Variants in LRP2 observed in about 807,000 individuals in gnomAD.
LRP2 encodes LDL receptor related protein 2, also known as low-density lipoprotein receptor-related protein 2.
In LRP2, 172 loss-of-function variants were observed where a neutral mutation model predicts 531.0. The ratio of observed to expected loss-of-function variants is 0.32; its 90% CI spans 0.29 to 0.37. The LOEUF (loss-of-function observed/expected upper bound fraction) is 0.37, where lower values mean the gene tolerates loss of function less well. Ranked by LOEUF, LRP2 falls within the 10% of genes least tolerant of loss-of-function variation. The probability of loss-of-function intolerance (pLI) is 1.00; values close to 1 mark genes in which losing one functional copy is unlikely to be tolerated. For synonymous variants in LRP2, 1,992 were observed against 2,027.6 expected, an observed-to-expected ratio of 0.98 and a Z score of 0.47; for missense variants, 5,167 against 5,868.3, an observed-to-expected ratio of 0.88 and a Z score of 3.90.
chr2:169,294,092 C>T lies in LRP2; in HGVS notation c.652+56G>A, dbSNP rs573601013. On this transcript the variant is annotated intron_variant, in intron 6 of 78. Coordinates refer to ENST00000649046, the MANE Select transcript of LRP2 (RefSeq NM_004525.3). ...GCGGGGGGATAAAACAAAACAAAACCGAAACAAAACAAAACACTCCCAACA... is the reference window on the plus strand; with the variant it reads ...GCGGGGGGATAAAACAAAACAAAACTGAAACAAAACAAAACACTCCCAACA... The T allele has an allele frequency of 8.7e-5, 112 of 1,287,568 alleles. 1 individual carries two copies. In the Middle Eastern group the frequency reaches 9.1e-4, roughly 11 times the overall value. The allele number at this position is 1,287,568 out of a possible 1,614,324, so 79.8% of individuals were successfully genotyped here. A position where few individuals can be genotyped will look rare whatever the true frequency, so the allele number is the denominator to read the frequency against.
chr2:169,182,661 T>G, intron 50 of LRP2: 3 of 985,030 alleles, frequency 3.0e-6, no homozygotes, highest in Non-Finnish European at 2.4e-6. Context: ...GAAGCAGAGG[T>G]GAGTATCATG....
chr2:169,226,375 G>T, intron 32 of LRP2, 47 bp downstream of exon 32: 1 of 1,470,700 alleles, frequency 6.8e-7, no homozygotes, highest in Non-Finnish European at 9.5e-7. Context: ...GTGCAGGCAG[G>T]CTCTTCAAGA....
intron 1 of LRP2, among the ~76,000 whole-genome samples, chr2:169,328,016 G>A (rs1216470228): frequency 7.3e-6 from 1 of 136,680 alleles, no homozygotes; most frequent in Non-Finnish European, 1.6e-5. Flanking sequence ...AGGGAGGTGG[G>A]GGGGGGTCAG....
intron 3 of LRP2, among the ~76,000 whole-genome samples, chr2:169,313,692 A>G (rs188142580): frequency 3.9e-5 from 6 of 152,100 alleles, no homozygotes; most frequent in Non-Finnish European, 5.9e-5. Context: ...CCATTCTCAG[A>G]TCTCAAACTC....
chr2:169,297,097 T>A (rs1346820744), intron 4 of LRP2, among the ~76,000 whole-genome samples: 1 of 152,180 alleles, frequency 6.6e-6, no homozygotes, highest in Non-Finnish European at 1.5e-5. Context: ...TGAAAATACC[T>A]GAAAATCTGT....
rs777755136 is a variant in LRP2, at chr2:169,162,457, C to T, written c.11887+15G>A. On this transcript the variant is annotated intron_variant, in intron 63 of 78. Transcript: ENST00000649046. ...GAGTTACTACAATGAACTATAAAAA[C>T]AAGTGTTTACTTACTGCAACCCAGT... 2 of 1,613,902 alleles carry T rather than the reference C, an allele frequency of 1.2e-6. No homozygotes were observed. The highest frequency in any genetic ancestry group is 1.7e-6 in the Non-Finnish European group (2 of 1,179,888).
chr2:169,228,710 TACC>T (rs1689290843), intron 31 of LRP2, among the ~76,000 whole-genome samples: 1 of 152,200 alleles, frequency 6.6e-6, no homozygotes, highest in Non-Finnish European at 1.5e-5. Context: ...TGAGAACGTT[TACC>T]ACCAATGAAC....
chr2:169,139,154 G>T, intron 74 of LRP2, 97 bp downstream of exon 74: 1 of 1,567,396 alleles, frequency 6.4e-7, no homozygotes, highest in Non-Finnish European at 8.8e-7. Flanking sequence ...ACTGCGTATT[G>T]TGCTTTTTTA....
At chr2:169,203,735 C>T (rs368997741) in intron 42 of LRP2, among the ~76,000 whole-genome samples, 84 of 152,216 alleles carry the variant, frequency 5.5e-4, no homozygotes, top group African/African-American at 1.8e-3. Flanking sequence ...CCAGCCTGGG[C>T]GACAGAGTGA....
chr2:169,323,837 T>G (rs1684968306), intron 1 of LRP2, among the ~76,000 whole-genome samples: 1 of 116,626 alleles, frequency 8.6e-6, no homozygotes, highest in South Asian at 3.4e-4. Context: ...CCTCTCTGGT[T>G]TGGGGGCTGC....
In LRP2 at chr2:169,130,418, G is replaced by T. The variant is rs569306247; in HGVS notation, c.13729-1334C>A. Among the ~76,000 whole-genome samples the T allele has an allele frequency of 3.3e-5, 5 of 151,614 alleles. No homozygotes were observed. The South Asian group carries it at 8.3e-4, about 25-fold the overall frequency. ...TCCTCCCACCTCAGCCTCCTGAATA[G>T]CTGGGACTACAGGCATATGCCACCA... On this transcript the variant is annotated intron_variant, in intron 77 of 78. Coordinates refer to ENST00000649046, the MANE Select transcript of LRP2 (RefSeq NM_004525.3).
intron 9 of LRP2, 24 bp downstream of exon 9, chr2:169,289,002 T>C (rs1183789435): frequency 6.2e-7 from 1 of 1,613,452 alleles, no homozygotes. Context: ...GAAAGACAAG[T>C]AGCCGCCGCC....
chr2:169,182,207 A>G lies in LRP2; in HGVS notation c.9958T>C (p.Phe3320Leu), dbSNP rs774575547. Residue 3320 changes from phenylalanine to leucine, a missense_variant, in exon 51 of 79, where the codon TTT (phenylalanine) becomes CTT (leucine). Phe to Leu is a conservative substitution (Grantham distance 22). This residue lies in a region of LRP2 where 1,129 missense variants were observed against 1,362.7 expected (regional missense o/e 0.83). Coordinates refer to ENST00000649046, the MANE Select transcript of LRP2 (RefSeq NM_004525.3). ...AGGGCAAGTCCTCTGGGATTATCAA[A>G]GCAGAAGGTGTTGTTGGCATCCACA... ...HCVDANNTFC[F>L]DNPRGLALHP... 6.2e-7 allele frequency: 1 copy of G among 1,614,206 alleles called. No individual in the cohort carries two copies. The highest frequency in any genetic ancestry group is 8.5e-7 in the Non-Finnish European group (1 of 1,180,024).
At chr2:169,171,417 C>A (rs570702558) in intron 58 of LRP2, among the ~76,000 whole-genome samples, 1 of 152,252 alleles carries the variant, frequency 6.6e-6, no homozygotes, top group East Asian at 1.9e-4. Context: ...ATGATCTCAG[C>A]CTCTTGGCTT....
At chr2:169,259,777 G>A (rs1047334216) in intron 16 of LRP2, among the ~76,000 whole-genome samples, 1 of 151,516 alleles carries the variant, frequency 6.6e-6, no homozygotes, top group Non-Finnish European at 1.5e-5. Flanking sequence ...TCTTTATGGA[G>A]TTATTATGCT....
rs773212410 is a variant in LRP2, at chr2:169,237,125, G to A, written c.4669C>T (p.Leu1557=). 4.3e-6 allele frequency: 7 copies of A among 1,613,754 alleles called. No homozygotes were observed. The Admixed American group carries it at 6.7e-5, about 15-fold the overall frequency. ...TACTTCATTCTGGGATCTAATGCTAGTCCTCTTGGATTTGTTAGGTTTTTA... is the reference window on the plus strand; with the variant it reads ...TACTTCATTCTGGGATCTAATGCTAATCCTCTTGGATTTGTTAGGTTTTTA... ...ISKNLTNPRG[L]ALDPRMNEHL... is the part of the protein sequence containing the mutation. The change falls in exon 28 of 79, where the codon CTA becomes TTA. Residue 1557 remains leucine (L), a synonymous_variant. Coordinates refer to ENST00000649046, the MANE Select transcript of LRP2 (RefSeq NM_004525.3).
intron 19 of LRP2, among the ~76,000 whole-genome samples, chr2:169,255,043 A>T (rs552262638): frequency 4.6e-5 from 7 of 152,296 alleles, no homozygotes; most frequent in African/African-American, 1.7e-4. Flanking sequence ...CATTCCACAC[A>T]TACATTCTAT....
chr2:169,184,258 T>C (rs559930224), intron 50 of LRP2, among the ~76,000 whole-genome samples: 2 of 152,346 alleles, frequency 1.3e-5, no homozygotes, highest in South Asian at 2.1e-4. Flanking sequence ...CTTTTTGACA[T>C]GTAGGATACG....
chr2:169,158,324 G>A (rs1056108339), intron 63 of LRP2, among the ~76,000 whole-genome samples: 1 of 149,230 alleles, frequency 6.7e-6, no homozygotes, highest in Non-Finnish European at 1.5e-5. Flanking sequence ...TACGTTTAAG[G>A]ATTATAAAAA....
Sources: gnomAD v4.1 joint callset for allele counts (sites outside exome capture counted in the v4.1 genomes callset) on GRCh38, gnomAD v4.1.1 for gene constraint, gnomAD v4.1.1 regional missense constraint, MANE v1.5 for transcripts, NCBI Gene and HGNC (gene_info 2026-07-23, HGNC 2026-07-21) for gene names.